The following NEB variants were observed in gnomAD, a reference collection of about 807,000 sequenced individuals.
The protein encoded by NEB is nebulin.
NEB carries 512 observed loss-of-function variants against 952.2 expected under a neutral mutation model. That is an observed-to-expected ratio of 0.54 (90% CI 0.50 to 0.58). NEB has a LOEUF of 0.58. Ranked by LOEUF, NEB falls within the 20% of genes least tolerant of loss-of-function variation. The pLI is 0.00. For synonymous variants in NEB, 2,900 were observed against 3,149.8 expected, an observed-to-expected ratio of 0.92 and a Z score of 2.66; for missense variants, 8,428 against 9,231.1, an observed-to-expected ratio of 0.91 and a Z score of 3.56.
rs1165858466 is a variant in NEB, at chr2:151,631,179, C to T, written c.9582G>A (p.Gln3194=). 2 of 1,613,846 alleles carry T rather than the reference C, an allele frequency of 1.2e-6. No homozygotes were observed. The highest frequency in any genetic ancestry group is 1.7e-5 in the Admixed American group (1 of 59,998). The part of the protein sequence containing the change: ...KFTSVTDSLE[Q]VLAKNNALNM... ...TGAGAGCATTGTTCTTGGCCAGCAC[C>T]TGCTCTAGAGAATCAGTCACACTGG... The change falls in exon 66 of 182, where the codon CAG becomes CAA. Residue 3194 remains glutamine (Q), a synonymous_variant. Transcript: ENST00000397345.
At chr2:151,728,478 T>C (rs2150950449) in intron 4 of NEB, among the ~76,000 whole-genome samples, 1 of 152,334 alleles carries the variant, frequency 6.6e-6, no homozygotes, top group Middle Eastern at 3.4e-3. Flanking sequence ...TTTCATTCCC[T>C]TGGCTTAGTC....
At chr2:151,557,321 G>T (rs1308578240) in intron 124 of NEB, among the ~76,000 whole-genome samples, 3 of 152,190 alleles carry the variant, frequency 2.0e-5, no homozygotes, top group South Asian at 2.1e-4. Flanking sequence ...AAACCAGGAA[G>T]AAGTCGAATC....
At chr2:151,686,088 T>C in intron 27 of NEB, among the ~76,000 whole-genome samples, 1 of 152,234 alleles carries the variant, frequency 6.6e-6, no homozygotes, top group South Asian at 2.1e-4. Flanking sequence ...CAGTTTGTCT[T>C]CGTTAGAAAT....
At chr2:151,721,338 T>C (rs1156816973) in intron 9 of NEB, among the ~76,000 whole-genome samples, 1 of 152,206 alleles carries the variant, frequency 6.6e-6, no homozygotes, top group Admixed American at 6.5e-5. Context: ...TGTCTGCCTT[T>C]CAAGGTCCTG....
At chr2:151,685,378 A>G (rs1421140223) in intron 27 of NEB, among the ~76,000 whole-genome samples, 1 of 152,206 alleles carries the variant, frequency 6.6e-6, no homozygotes, top group Non-Finnish European at 1.5e-5. Context: ...TTGGATTTTA[A>G]TAAAATGACT....
intron 6 of NEB, 53 bp from the exon 7 acceptor site, chr2:151,725,014 T>C (rs2099786151): frequency 7.3e-7 from 1 of 1,378,258 alleles, no homozygotes; most frequent in African/African-American, 1.4e-5. Context: ...CATGTGAGTA[T>C]ATTAAGGAAT....
At chr2:151,720,996 C>T (rs1010935239) in intron 9 of NEB, among the ~76,000 whole-genome samples, 9 of 152,142 alleles carry the variant, frequency 5.9e-5, no homozygotes, top group South Asian at 2.1e-4. Flanking sequence ...TTTCCATTAA[C>T]GCACCTTTAC....
intron 156 of NEB, among the ~76,000 whole-genome samples, chr2:151,517,864 T>C (rs539930008): frequency 2.7e-4 from 41 of 152,364 alleles, no homozygotes; most frequent in Admixed American, 2.5e-3. Context: ...TGGTCTGCTG[T>C]TGACCAAAAA....
chr2:151,531,087 C>A lies in NEB; in HGVS notation c.21537G>T (p.Leu7179Phe). Residue 7179 changes from leucine to phenylalanine, a missense_variant, in exon 145 of 182, where the codon TTG (leucine) becomes TTT (phenylalanine). This residue lies in a region of NEB where 3,374 missense variants were observed against 3,651.5 expected (regional missense o/e 0.92). Transcript: ENST00000397345. ...NKQISDILYK[L>F]EYNKAKPRGY... is the part of the protein sequence containing the mutation. ...CTCTGGGTTTGGCCTTGTTGTATTC[C>A]AATTTATAAAGGATCTGAAAGATCA... 1 of 1,608,152 alleles carries A rather than the reference C, an allele frequency of 6.2e-7. No individual in the cohort carries two copies. The highest frequency in any genetic ancestry group is 8.5e-7 in the Non-Finnish European group (1 of 1,175,376).
At chr2:151,731,680 A>G (rs1033333383) in intron 3 of NEB, among the ~76,000 whole-genome samples, 8 of 152,190 alleles carry the variant, frequency 5.3e-5, no homozygotes, top group Non-Finnish European at 1.0e-4. Context: ...TATGACATCT[A>G]GTTGAATCAA....
intron 48 of NEB, 54 bp from the exon 49 acceptor site, chr2:151,656,518 A>T (rs940363279): frequency 8.6e-7 from 1 of 1,168,940 alleles, no homozygotes; most frequent in East Asian, 2.5e-5. Flanking sequence ...CTAAAAATCG[A>T]TCTAGTGTCA....
chr2:151,709,633 T>C (rs1422134298), intron 12 of NEB, 23 bp downstream of exon 12: 58 of 1,532,564 alleles, frequency 3.8e-5, no homozygotes, highest in Non-Finnish European at 5.2e-5. Context: ...ACCATCAAGA[T>C]AAATGGGATG....
rs763303626 is a variant in NEB, at chr2:151,565,481, C to T, written c.18366+20G>A. On this transcript the variant is annotated intron_variant, in intron 116 of 181. Transcript: ENST00000397345. ...TTACTCCCCAGTCTGTGCACTTCAG[C>T]ATGCACAAAGCAAACTTACATCACT... 5 of 1,446,660 alleles carry T rather than the reference C, an allele frequency of 3.5e-6. No individual in the cohort carries two copies. The highest frequency in any genetic ancestry group is 3.9e-6 in the Non-Finnish European group (4 of 1,036,658). The allele number at this position is 1,446,660 out of a possible 1,614,324, so 89.6% of individuals were successfully genotyped here.
chr2:151,646,910 G>T (rs1033773615), intron 54 of NEB, among the ~76,000 whole-genome samples: 2 of 152,090 alleles, frequency 1.3e-5, no homozygotes, highest in Non-Finnish European at 2.9e-5. Flanking sequence ...GGGATTACAG[G>T]TGTGAGCCAC....
At chr2:151,624,622 C>T (rs1208222052) in intron 71 of NEB, among the ~76,000 whole-genome samples, 2 of 151,924 alleles carry the variant, frequency 1.3e-5, no homozygotes, top group African/African-American at 4.8e-5. Context: ...TTATTATAGG[C>T]AAAAGTAATT....
At chr2:151,549,503 C>T in intron 130 of NEB, 133 bp downstream of exon 130, 2 of 683,052 alleles carry the variant, frequency 2.9e-6, no homozygotes, top group Middle Eastern at 3.7e-4. Context: ...GCTGTCTCTC[C>T]TCTCCAGCTC....
chr2:151,624,174 A>G (rs909379682), intron 71 of NEB, among the ~76,000 whole-genome samples: 4 of 152,148 alleles, frequency 2.6e-5, no homozygotes, highest in African/African-American at 9.6e-5. Context: ...ATTTATTTGT[A>G]TGTATTCATG....
At chr2:151,611,556 G>A (rs2097962688) in intron 78 of NEB, among the ~76,000 whole-genome samples, 1 of 152,208 alleles carries the variant, frequency 6.6e-6, no homozygotes, top group African/African-American at 2.4e-5. Flanking sequence ...AGGCTTCCAG[G>A]CAGGTGTGGG....
chr2:151,619,836 T>C, intron 72 of NEB, 74 bp from the exon 73 acceptor site: 1 of 1,461,586 alleles, frequency 6.8e-7, no homozygotes, highest in East Asian at 2.3e-5. Flanking sequence ...GTGGTGGTGC[T>C]TTCTATGAAA....
Sources: gnomAD v4.1 joint callset for allele counts (sites outside exome capture counted in the v4.1 genomes callset) on GRCh38, gnomAD v4.1.1 for gene constraint, gnomAD v4.1.1 regional missense constraint, MANE v1.5 for transcripts, NCBI Gene and HGNC (gene_info 2026-07-23, HGNC 2026-07-21) for gene names.